The following ATP13A4 variants were observed in gnomAD, a reference collection of about 807,000 sequenced individuals.
ATP13A4 encodes the protein probable cation-transporting ATPase 13A4.
Under a neutral mutation model 142.5 loss-of-function variants are expected in ATP13A4, and 114 were observed. The observed-to-expected ratio is 0.80, with a 90% CI of 0.69 to 0.93. The LOEUF (loss-of-function observed/expected upper bound fraction) is 0.93. Among genes scored for constraint, ATP13A4 ranks in the 40% least tolerant of loss-of-function variants. The probability of loss-of-function intolerance (pLI) is 0.00; values close to 1 mark genes in which losing one functional copy is unlikely to be tolerated. For synonymous variants in ATP13A4, 488 were observed against 514.8 expected (o/e 0.95, Z 0.70); for missense variants, 1,392 against 1,454.0 (o/e 0.96, Z 0.69).
intron 23 of ATP13A4, among the ~76,000 whole-genome samples, chr3:193,436,745 C>T (rs552533343): frequency 1.1e-4 from 17 of 151,552 alleles, no homozygotes; most frequent in African/African-American, 3.1e-4. Flanking sequence ...AGCCACCACA[C>T]CCAGCCTAGA....
intron 17 of ATP13A4, among the ~76,000 whole-genome samples, chr3:193,449,990 G>C (rs1470929721): frequency 6.6e-6 from 1 of 151,948 alleles, no homozygotes; most frequent in African/African-American, 2.4e-5. Flanking sequence ...ATGGTGCCAG[G>C]CGCCTGTAAT....
At chr3:193,413,808 G>A (rs1473317772) in intron 26 of ATP13A4, among the ~76,000 whole-genome samples, 7 of 152,154 alleles carry the variant, frequency 4.6e-5, no homozygotes, top group Non-Finnish European at 8.8e-5. Context: ...GACAATATAT[G>A]CACAGCTGAA....
At chr3:193,513,062 C>T (rs963294305) in intron 2 of ATP13A4, among the ~76,000 whole-genome samples, 1 of 152,188 alleles carries the variant, frequency 6.6e-6, no homozygotes, top group African/African-American at 2.4e-5. Flanking sequence ...TATAGTTGAA[C>T]TTGTGAGAAG....
At position 193,465,226 on chromosome 3, in the gene ATP13A4, C is replaced by T. The variant is rs570887278; in HGVS notation, c.1273-98G>A. The stretch of plus-strand genomic sequence containing the variant: ...TTTTGAGGCGGAGTTTTGCTCTTGT[C>T]GCCCAGGCTGGAATACAGTGGTGTG... On this transcript the variant is annotated intron_variant, in intron 11 of 29. Coordinates refer to ENST00000342695, the MANE Select transcript of ATP13A4 (RefSeq NM_032279.4). 1.6e-4 allele frequency: 212 copies of T among 1,314,238 alleles called. No homozygotes were observed. The African/African-American group carries it at 2.0e-3, about 12-fold the overall frequency. 81.4% of individuals were successfully genotyped at this position (1,314,238 alleles called of 1,614,324 possible).
chr3:193,436,555 C>T (rs556692311), intron 23 of ATP13A4, among the ~76,000 whole-genome samples: 4 of 151,924 alleles, frequency 2.6e-5, no homozygotes, highest in African/African-American at 4.8e-5. Flanking sequence ...TCAAGTGATT[C>T]GCCCGCCTCA....
intron 26 of ATP13A4, among the ~76,000 whole-genome samples, chr3:193,413,945 C>T (rs1311409769): frequency 6.6e-6 from 1 of 152,148 alleles, no homozygotes. Context: ...TGTTCATACA[C>T]CCCCTCCCCT....
At chr3:193,412,502 G>T in intron 26 of ATP13A4, 131 bp from the exon 27 acceptor site, 833 of 492,990 alleles carry the variant, frequency 1.7e-3, no homozygotes, top group East Asian at 2.3e-3. Context: ...CCTGTGCTTT[G>T]GAAAACACAC....
intron 2 of ATP13A4, among the ~76,000 whole-genome samples, chr3:193,578,225 G>A (rs556298885): frequency 2.0e-5 from 3 of 152,188 alleles, no homozygotes; most frequent in East Asian, 1.9e-4. Flanking sequence ...CCGAGGAGAC[G>A]GAGGTTGCAG....
rs766410941 is a variant in ATP13A4, at chr3:193,483,885, C to A, written c.808+51G>T. 10 of 1,345,504 alleles carry A rather than the reference C, an allele frequency of 7.4e-6. No homozygotes were observed. The Admixed American group carries it at 1.5e-4, about 20-fold the overall frequency. 83.3% of individuals were successfully genotyped at this position (1,345,504 alleles called of 1,614,324 possible). A position where few individuals can be genotyped will look rare whatever the true frequency, so the allele number is the denominator to read the frequency against. ...GCAATCAGAAATACAAATTTAAATT[C>A]TTTTCTGATTCCATGTGAATAGCAT... is the stretch of plus-strand genomic sequence containing the variant. On this transcript the variant is annotated intron_variant, in intron 8 of 29. Coordinates refer to ENST00000342695, the MANE Select transcript of ATP13A4 (RefSeq NM_032279.4).
At chr3:193,517,780 C>G (rs2108687675) in intron 1 of ATP13A4, among the ~76,000 whole-genome samples, 1 of 152,310 alleles carries the variant, frequency 6.6e-6, no homozygotes, top group Middle Eastern at 3.4e-3. Flanking sequence ...CTACAACCGA[C>G]TGTTTTAAAT....
At chr3:193,494,125 A>G (rs1459749506) in intron 3 of ATP13A4, among the ~76,000 whole-genome samples, 1 of 152,130 alleles carries the variant, frequency 6.6e-6, no homozygotes, top group African/African-American at 2.4e-5. Context: ...ACCTAAATAT[A>G]TAAAGCAAAT....
intron 13 of ATP13A4, among the ~76,000 whole-genome samples, chr3:193,460,132 C>T (rs1717869644): frequency 6.6e-6 from 1 of 152,186 alleles, no homozygotes; most frequent in South Asian, 2.1e-4. Flanking sequence ...CACATGCCAA[C>T]TTCTTTCAAA....
At chr3:193,484,997 G>A (rs1484708728) in intron 7 of ATP13A4, among the ~76,000 whole-genome samples, 3 of 152,076 alleles carry the variant, frequency 2.0e-5, no homozygotes, top group African/African-American at 7.2e-5. Context: ...TTTAGCCAAG[G>A]GGTAAGGGCA....
chr3:193,407,651 T>C (rs1188029439), intron 28 of ATP13A4, among the ~76,000 whole-genome samples: 1 of 152,216 alleles, frequency 6.6e-6, no homozygotes, highest in Non-Finnish European at 1.5e-5. Flanking sequence ...TTTTTTCTTC[T>C]TGTGATGTGT....
Position 193,538,497 on chromosome 3 carries a change from T to TAAAAA in ATP13A4, c.60+16238_60+16242dup, listed in dbSNP as rs376175094. Among the ~76,000 whole-genome samples the TAAAAA allele has an allele frequency of 1.1e-4, 13 of 122,276 alleles. No homozygotes were observed. The East Asian group carries it at 1.9e-3, about 17-fold the overall frequency. 80.2% of individuals were successfully genotyped at this position (122,276 alleles called of 152,430 possible). A position where few individuals can be genotyped will look rare whatever the true frequency, so the allele number is the denominator to read the frequency against. ...TTATTGTTAATGGAAGAATCCACATTAAAAAAAAAAAAAAAAACCCTAGGC... is the reference window on the plus strand; with the variant it reads ...TTATTGTTAATGGAAGAATCCACATTAAAAAAAAAAAAAAAAAAAAAACCCTAGGC... On this transcript the variant is annotated intron_variant, in intron 1 of 29. Coordinates refer to ENST00000342695, the MANE Select transcript of ATP13A4 (RefSeq NM_032279.4).
chr3:193,477,525 A>G (rs1349682482), intron 8 of ATP13A4, among the ~76,000 whole-genome samples: 10 of 152,140 alleles, frequency 6.6e-5, no homozygotes, highest in African/African-American at 2.2e-4. Context: ...GAGAATAAAA[A>G]GGATGAGAAT....
chr3:193,553,574 A>G (rs1393476852), intron 1 of ATP13A4: 1 of 152,252 alleles, frequency 6.6e-6, no homozygotes, highest in East Asian at 1.9e-4. Context: ...GTGGGCTAGC[A>G]AGCCATTTCT....
chr3:193,547,845 G>C (rs1308046655), intron 1 of ATP13A4, among the ~76,000 whole-genome samples: 1 of 152,144 alleles, frequency 6.6e-6, no homozygotes, highest in Non-Finnish European at 1.5e-5. Context: ...TGTTGAACAA[G>C]GGACACCTCG....
intron 1 of ATP13A4, among the ~76,000 whole-genome samples, chr3:193,516,547 GC>G (rs1290323747): frequency 1.3e-5 from 2 of 152,156 alleles, no homozygotes; most frequent in African/African-American, 4.8e-5. Flanking sequence ...ACAGAGCAGT[GC>G]CCTAGTCTTA....
Sources: gnomAD v4.1 joint callset for allele counts (sites outside exome capture counted in the v4.1 genomes callset) on GRCh38, gnomAD v4.1.1 for gene constraint, MANE v1.5 for transcripts, NCBI Gene and HGNC (gene_info 2026-07-23, HGNC 2026-07-21) for gene names.